Variants in HPF1 observed in about 807,000 individuals in gnomAD.
The protein encoded by HPF1 is UPF0609 protein C4orf27.
In HPF1, 35 loss-of-function variants were observed where a neutral mutation model predicts 38.8. That is an observed-to-expected ratio of 0.90 (90% confidence interval 0.69 to 1.19). The LOEUF (loss-of-function observed/expected upper bound fraction) is 1.19. Among genes scored for constraint, HPF1 ranks in the 50% most tolerant of loss-of-function variants. The pLI, the probability that HPF1 is intolerant of heterozygous loss-of-function variation, is 0.00. For synonymous variants in HPF1, 115 were observed against 139.2 expected (o/e 0.83, Z 1.22); for missense variants, 367 against 405.8 (o/e 0.90, Z 0.82).
At chr4:169,751,161 T>G (rs1183365180) in intron 2 of HPF1, among the ~76,000 whole-genome samples, 1 of 152,074 alleles carries the variant, frequency 6.6e-6, no homozygotes, top group African/African-American at 2.4e-5. Context: ...ATCCCAGCAC[T>G]TTGGCAGGCT....
intron 5 of HPF1, among the ~76,000 whole-genome samples, chr4:169,740,894 A>G (rs555595637): frequency 6.4e-4 from 97 of 152,228 alleles, no homozygotes; most frequent in Non-Finnish European, 1.2e-3. Context: ...TATTATGTGT[A>G]CGGATGCTCA....
chr4:169,752,168 C>CTTTT lies in HPF1; in HGVS notation c.209-1447_209-1444dup, dbSNP rs35247508. 6.5e-3 allele frequency among the ~76,000 whole-genome samples: 698 copies of CTTTT among 107,156 alleles called. 50 individuals are homozygous for CTTTT. Among genetic ancestry groups the CTTTT allele is most frequent in the African/African-American group, 0.023 (633 of 27,244 alleles). The allele number at this position is 107,156 out of a possible 152,430, so 70.3% of individuals were successfully genotyped here. A position where few individuals can be genotyped will look rare whatever the true frequency, so the allele number is the denominator to read the frequency against. The stretch of plus-strand genomic sequence containing the variant: ...AATAAATGTTTGTATACAGGCATGA[C>CTTTT]TTTTTTTTTTTTTTTTTTTTGAGAT... On this transcript the variant is annotated intron_variant, in intron 2 of 7. Transcript: ENST00000393381.
At chr4:169,745,087 A>T (rs1251815086) in intron 4 of HPF1, among the ~76,000 whole-genome samples, 1 of 152,172 alleles carries the variant, frequency 6.6e-6, no homozygotes. Context: ...CGCCAATTTC[A>T]GAGTAGGGTG....
chr4:169,752,582 A>G (rs1419291850), intron 2 of HPF1, among the ~76,000 whole-genome samples: 1 of 152,138 alleles, frequency 6.6e-6, no homozygotes, highest in African/African-American at 2.4e-5. Flanking sequence ...CCCCCATGCT[A>G]TTTTTAAAAA....
chr4:169,730,612 A>G (rs150303799), intron 7 of HPF1, among the ~76,000 whole-genome samples: 178 of 152,304 alleles, frequency 1.2e-3, no homozygotes, highest in African/African-American at 3.7e-3. Context: ...CTAGAACTCA[A>G]TCAAACTTGG....
intron 6 of HPF1, among the ~76,000 whole-genome samples, chr4:169,737,429 A>ATTTT (rs139565401): frequency 0.01 from 1,554 of 152,272 alleles, 12 homozygotes; most frequent in Middle Eastern, 0.027. Flanking sequence ...CATTTTACAG[A>ATTTT]TGAAAAAGAC....
At chr4:169,755,173 T>C (rs762296154) in intron 1 of HPF1, among the ~76,000 whole-genome samples, 2 of 150,922 alleles carry the variant, frequency 1.3e-5, no homozygotes, top group East Asian at 3.9e-4. Context: ...AGAATGGTCA[T>C]GGTGGCATTA....
Position 169,748,855 on chromosome 4 carries a change from A to C in HPF1, c.399-13T>G. Reference sequence around the variant, plus strand: ...ATCAGGAGAATCCCTGTGTAAGCAAAAGACATTAAAAATTTAGCTGCCCAT... The same window carrying C: ...ATCAGGAGAATCCCTGTGTAAGCAACAGACATTAAAAATTTAGCTGCCCAT... On this transcript the variant is annotated splice_polypyrimidine_tract_variant and intron_variant, in intron 3 of 7. Coordinates refer to ENST00000393381, the MANE Select transcript of HPF1 (RefSeq NM_017867.3). 1.6e-6 allele frequency: 2 copies of C among 1,260,424 alleles called. No individual in the cohort carries two copies. Among genetic ancestry groups the C allele is most frequent in the Non-Finnish European group, 2.2e-6 (2 of 898,666 alleles). The allele number at this position is 1,260,424 out of a possible 1,614,324, so 78.1% of individuals were successfully genotyped here.
At chr4:169,735,420 CCAGT>C (rs1418835176) in intron 6 of HPF1, among the ~76,000 whole-genome samples, 1 of 152,144 alleles carries the variant, frequency 6.6e-6, no homozygotes, top group Non-Finnish European at 1.5e-5. Context: ...TAACAAACTG[CCAGT>C]CAGTTATACC....
chr4:169,748,432 G>A (rs1265569012), intron 4 of HPF1, among the ~76,000 whole-genome samples: 2 of 151,740 alleles, frequency 1.3e-5, no homozygotes, highest in South Asian at 2.1e-4. Flanking sequence ...ATGCAGTGGC[G>A]CAATCTCGGC....
intron 4 of HPF1, among the ~76,000 whole-genome samples, chr4:169,743,105 A>G (rs77284019): frequency 1.3e-5 from 2 of 151,532 alleles, no homozygotes; most frequent in East Asian, 3.9e-4. Flanking sequence ...AAAAAAAAAA[A>G]CAAAAAACTG....
chr4:169,740,599 T>A (rs17055115), intron 5 of HPF1, among the ~76,000 whole-genome samples: 26,126 of 152,178 alleles, frequency 0.17, 2,507 homozygotes, highest in African/African-American at 0.25. Flanking sequence ...AACCTTGCAT[T>A]TAACAGAAAA....
intron 6 of HPF1, among the ~76,000 whole-genome samples, chr4:169,733,305 T>C (rs1733853036): frequency 1.3e-5 from 2 of 152,244 alleles, no homozygotes; most frequent in Non-Finnish European, 2.9e-5. Context: ...GATGTTAATG[T>C]ACATCCGATT....
In HPF1 at chr4:169,753,661, T is replaced by C. The variant is rs111514534; in HGVS notation, c.208+15A>G. On this transcript the variant is annotated intron_variant, in intron 2 of 7. Transcript: ENST00000393381. ...CTCTTTCCATTAATACAAGAATGAT[T>C]CTGGAGCAACTCACCAGATGGCTTT... is the stretch of plus-strand genomic sequence containing the variant. 1.3e-4 allele frequency: 208 copies of C among 1,605,744 alleles called. No individual in the cohort carries two copies. The African/African-American group carries it at 2.6e-3, about 20-fold the overall frequency.
intron 6 of HPF1, among the ~76,000 whole-genome samples, chr4:169,732,744 G>A (rs1284753131): frequency 2.6e-5 from 4 of 152,208 alleles, no homozygotes; most frequent in South Asian, 4.1e-4. Context: ...TACATCCTTC[G>A]ATTAAACCAA....
chr4:169,757,776 C>T, intron 1 of HPF1, 54 bp downstream of exon 1: 1 of 1,480,410 alleles, frequency 6.8e-7, no homozygotes, highest in Non-Finnish European at 9.1e-7. Context: ...CTCCTGGTGC[C>T]CTGGCTGTCA....
intron 1 of HPF1, among the ~76,000 whole-genome samples, chr4:169,754,800 G>A (rs1188073403): frequency 3.3e-5 from 5 of 152,290 alleles, no homozygotes; most frequent in Non-Finnish European, 5.9e-5. Flanking sequence ...GGCCAGGTAT[G>A]CTCAACATCC....
At chr4:169,732,524 G>A (rs1190491110) in intron 6 of HPF1, among the ~76,000 whole-genome samples, 4 of 152,124 alleles carry the variant, frequency 2.6e-5, no homozygotes, top group African/African-American at 9.7e-5. Context: ...ACTAGTCCAG[G>A]AGTTGGCAAA....
At chr4:169,753,608 C>G in intron 2 of HPF1, 68 bp downstream of exon 2, 1 of 1,365,436 alleles carries the variant, frequency 7.3e-7, no homozygotes, top group East Asian at 2.4e-5. Flanking sequence ...TGTGAGCCAC[C>G]ACACCCAGCT....
Sources: gnomAD v4.1 joint callset for allele counts (sites outside exome capture counted in the v4.1 genomes callset) on GRCh38, gnomAD v4.1.1 for gene constraint, MANE v1.5 for transcripts, NCBI Gene and HGNC (gene_info 2026-07-23, HGNC 2026-07-21) for gene names.